The following TSHZ2 variants were observed in gnomAD, a reference collection of about 807,000 sequenced individuals.
The protein encoded by TSHZ2 is teashirt zinc finger homeobox 2, also known as teashirt homolog 2.
TSHZ2 carries 21 observed loss-of-function variants against 74.4 expected under a neutral mutation model. The observed-to-expected ratio is 0.28, with a 90% confidence interval of 0.20 to 0.41. TSHZ2 has a LOEUF of 0.41. Ranked by LOEUF, TSHZ2 falls within the 10% of genes least tolerant of loss-of-function variation. The probability of loss-of-function intolerance (pLI) is 1.00; values close to 1 mark genes in which losing one functional copy is unlikely to be tolerated. For synonymous variants in TSHZ2, 540 were observed against 515.3 expected, an observed-to-expected ratio of 1.05 and a Z score of -0.65; for missense variants, 1,244 against 1,293.5, an observed-to-expected ratio of 0.96 and a Z score of 0.59.
intron 2 of TSHZ2, among the ~76,000 whole-genome samples, chr20:53,474,921 A>G (rs1600669061): frequency 7.0e-6 from 1 of 142,636 alleles, no homozygotes; most frequent in Non-Finnish European, 1.5e-5. Flanking sequence ...AGGCCATTAC[A>G]TAATGGTAAA....
Position 53,320,285 on chromosome 20 carries a change from AG to A in TSHZ2, c.*8+63715del, listed in dbSNP as rs1399049993. Among the ~76,000 whole-genome samples, 3 of 152,198 alleles carry A rather than the reference AG, an allele frequency of 2.0e-5. No individual in the cohort carries two copies. In the East Asian group the frequency reaches 5.8e-4, roughly 29 times the overall value. Reference sequence around the variant, plus strand: ...AGGAAACTGAGGCATAGGGAGGTTGAGTAACTTGCCCACAGTCACACAGCTA... The same window carrying A: ...AGGAAACTGAGGCATAGGGAGGTTGATAACTTGCCCACAGTCACACAGCTA... On this transcript the variant is annotated intron_variant, in intron 2 of 2. Coordinates refer to ENST00000371497, the MANE Select transcript of TSHZ2 (RefSeq NM_173485.6).
At chr20:53,271,900 T>C (rs1990848437) in intron 2 of TSHZ2, among the ~76,000 whole-genome samples, 1 of 152,232 alleles carries the variant, frequency 6.6e-6, no homozygotes, top group African/African-American at 2.4e-5. Context: ...GCACAAACTT[T>C]GTCTTTTCAT....
intron 1 of TSHZ2, among the ~76,000 whole-genome samples, chr20:53,094,103 T>C (rs1284837213): frequency 6.6e-6 from 1 of 152,034 alleles, no homozygotes; most frequent in Non-Finnish European, 1.5e-5. Context: ...GCCATGCCCA[T>C]TTATTACTGT....
At chr20:53,467,285 G>A (rs1044909782) in intron 2 of TSHZ2, among the ~76,000 whole-genome samples, 9 of 152,136 alleles carry the variant, frequency 5.9e-5, no homozygotes, top group Non-Finnish European at 1.3e-4. Flanking sequence ...TTTGTTTAAT[G>A]CAGCAACGAA....
chr20:53,205,700 G>A, intron 1 of TSHZ2, among the ~76,000 whole-genome samples: 1 of 152,120 alleles, frequency 6.6e-6, no homozygotes, highest in East Asian at 1.9e-4. Flanking sequence ...GGGTGTGTTT[G>A]GGAATTGGAG....
intron 1 of TSHZ2, among the ~76,000 whole-genome samples, chr20:53,115,803 C>T (rs1986652293): frequency 6.6e-6 from 1 of 151,968 alleles, no homozygotes; most frequent in Non-Finnish European, 1.5e-5. Flanking sequence ...GCAAAGGCCA[C>T]TGGTGGGGAG....
At position 53,014,193 on chromosome 20, in the gene TSHZ2, G is replaced by A. The variant is rs574201021; in HGVS notation, c.40+40860G>A. On this transcript the variant is annotated intron_variant, in intron 1 of 2. Transcript: ENST00000371497. ...TGTAGAAGAAGCCATCTCTTCATACGGCAGAGAGAGAGAGAGAGAGAGAGA... is the reference window on the plus strand; with the variant it reads ...TGTAGAAGAAGCCATCTCTTCATACAGCAGAGAGAGAGAGAGAGAGAGAGA... Among the ~76,000 whole-genome samples, 289 of 105,312 alleles carry A rather than the reference G, an allele frequency of 2.7e-3. 4 individuals are homozygous for A. Among genetic ancestry groups the A allele is most frequent in the Non-Finnish European group, 1.8e-3 (83 of 45,588 alleles). The allele number at this position is 105,312 out of a possible 152,430, so 69.1% of individuals were successfully genotyped here.
At chr20:53,384,108 A>G (rs1981959982) in intron 2 of TSHZ2, among the ~76,000 whole-genome samples, 1 of 152,278 alleles carries the variant, frequency 6.6e-6, no homozygotes, top group South Asian at 2.1e-4. Flanking sequence ...AAAATGCAAG[A>G]CCGGGGCCAA....
At chr20:53,066,291 A>G (rs748874473) in intron 1 of TSHZ2, among the ~76,000 whole-genome samples, 40 of 152,128 alleles carry the variant, frequency 2.6e-4, no homozygotes, top group Non-Finnish European at 5.1e-4. Context: ...CCCTGCAAGT[A>G]GCAAGTGGAA....
At chr20:53,107,113 G>T (rs1320719422) in intron 1 of TSHZ2, among the ~76,000 whole-genome samples, 4 of 152,192 alleles carry the variant, frequency 2.6e-5, no homozygotes, top group Non-Finnish European at 5.9e-5. Context: ...ACAGGCCCTA[G>T]AATATGGACA....
rs1236617983 is a variant in TSHZ2, at chr20:53,138,197, A to G, written c.41-115302A>G. ...GGAGATCGCGACCATCCTGGCTAACACGGTGAAACCCCGTCTCTACTAAAA... is the reference window on the plus strand; with the variant it reads ...GGAGATCGCGACCATCCTGGCTAACGCGGTGAAACCCCGTCTCTACTAAAA... On this transcript the variant is annotated intron_variant, in intron 1 of 2. Coordinates refer to ENST00000371497, the MANE Select transcript of TSHZ2 (RefSeq NM_173485.6). Among the ~76,000 whole-genome samples, 7 of 152,050 alleles carry G rather than the reference A, an allele frequency of 4.6e-5. No individual in the cohort carries two copies. The South Asian group carries it at 1.0e-3, about 23-fold the overall frequency.
intron 1 of TSHZ2, among the ~76,000 whole-genome samples, chr20:53,014,547 G>A (rs1240750267): frequency 6.6e-6 from 1 of 152,140 alleles, no homozygotes; most frequent in Non-Finnish European, 1.5e-5. Flanking sequence ...TGCTGCTCAT[G>A]GGTTCCTAGG....
At chr20:53,262,224 CT>C (rs1210385626) in intron 2 of TSHZ2, among the ~76,000 whole-genome samples, 1 of 149,928 alleles carries the variant, frequency 6.7e-6, no homozygotes, top group Non-Finnish European at 1.5e-5. Context: ...TTGTCTTTTT[CT>C]TTTTTTAACT....
chr20:53,011,220 A>G (rs1568718414), intron 1 of TSHZ2, among the ~76,000 whole-genome samples: 1 of 152,188 alleles, frequency 6.6e-6, no homozygotes, highest in Non-Finnish European at 1.5e-5. Flanking sequence ...CAGGGGTGTC[A>G]TGAATGAATG....
chr20:53,039,389 G>A (rs1213960191), intron 1 of TSHZ2, among the ~76,000 whole-genome samples: 2 of 152,046 alleles, frequency 1.3e-5, no homozygotes, highest in African/African-American at 4.8e-5. Context: ...TTTCTCTCTC[G>A]ATGCTGTTGT....
intron 2 of TSHZ2, among the ~76,000 whole-genome samples, chr20:53,466,926 A>G (rs1199212519): frequency 6.6e-6 from 1 of 152,240 alleles, no homozygotes; most frequent in East Asian, 1.9e-4. Flanking sequence ...TTTCATTGAC[A>G]GCAATAAATA....
chr20:53,017,815 T>C (rs1023275973), intron 1 of TSHZ2, among the ~76,000 whole-genome samples: 1 of 152,204 alleles, frequency 6.6e-6, no homozygotes, highest in African/African-American at 2.4e-5. Context: ...TTCAGAAGTA[T>C]CTTGTATAGT....
At chr20:53,403,296 A>G (rs768309889) in intron 2 of TSHZ2, among the ~76,000 whole-genome samples, 3 of 152,180 alleles carry the variant, frequency 2.0e-5, no homozygotes, top group Non-Finnish European at 4.4e-5. Context: ...TTTAAAAACA[A>G]CTACCTCAAA....
At chr20:53,172,742 G>A (rs979333515) in intron 1 of TSHZ2, among the ~76,000 whole-genome samples, 5 of 152,140 alleles carry the variant, frequency 3.3e-5, no homozygotes, top group Non-Finnish European at 2.9e-5. Flanking sequence ...AAAGCTTCAC[G>A]GCTAGAAAGA....
Sources: allele counts gnomAD v4.1 joint callset (sites outside exome capture counted in the v4.1 genomes callset), GRCh38; gene constraint gnomAD v4.1.1; transcripts MANE v1.5; gene names NCBI Gene and HGNC (gene_info 2026-07-23, HGNC 2026-07-21).